Variants in SUZ12 observed in about 807,000 individuals in gnomAD.
SUZ12 encodes the protein polycomb protein SUZ12.
A neutral mutation model predicts 87.3 loss-of-function variants in SUZ12; 17 were observed. The observed-to-expected ratio is 0.19, with a 90% CI of 0.13 to 0.29. The LOEUF (loss-of-function observed/expected upper bound fraction) is 0.29, where lower values mean the gene tolerates loss of function less well. Ranked by LOEUF, SUZ12 falls within the 10% of genes least tolerant of loss-of-function variation. SUZ12 has a pLI of 1.00. For synonymous variants in SUZ12, 253 were observed against 312.4 expected (o/e 0.81, Z 2.01); for missense variants, 526 against 912.2 (o/e 0.58, Z 5.45).
intron 5 of SUZ12, among the ~76,000 whole-genome samples, chr17:31,970,198 A>G (rs1435967021): frequency 6.6e-6 from 1 of 152,216 alleles, no homozygotes; most frequent in Admixed American, 6.6e-5. Context: ...TTCGGCAAAT[A>G]TTTTTGTTAC....
rs1906009519 is a variant in SUZ12 at position 31,937,483 on chromosome 17, C to G, written c.237C>G (p.Val79=). ...LPVKKPKMEH[V]QADHELFLQA... is the part of the protein sequence containing the mutation. ...TGAAGAAGCCGAAAATGGAGCACGTCCAGGCTGACCACGAGCTTTTCCTCC... is the reference window on the plus strand; with the variant it reads ...TGAAGAAGCCGAAAATGGAGCACGTGCAGGCTGACCACGAGCTTTTCCTCC... Residue 79 remains valine, a synonymous_variant, in exon 1 of 16, where the codon GTC becomes GTG. Coordinates refer to ENST00000322652, the MANE Select transcript of SUZ12 (RefSeq NM_015355.4). 3 of 1,542,196 alleles carry G rather than the reference C, an allele frequency of 1.9e-6. No homozygotes were observed. The highest frequency in any genetic ancestry group is 2.6e-6 in the Non-Finnish European group (3 of 1,146,270).
At position 31,998,801 on chromosome 17, in the gene SUZ12, C is replaced by A; in HGVS notation, c.2018C>A (p.Ser673Ter). The A allele has an allele frequency of 6.2e-7, 1 of 1,613,206 alleles. No homozygotes were observed. Among genetic ancestry groups the A allele is most frequent in the South Asian group, 1.1e-5 (1 of 90,910 alleles). ...MHDFNLISIM[S>*]IDKAVTKLRE... ...GACTTTAATCTTATTAGCATAATGT[C>A]AATAGATAAAGCTGTTACCAAGCTC... is the stretch of plus-strand genomic sequence containing the variant. Residue 673 changes from serine (S) to a stop codon, truncating the protein, a stop_gained, in exon 16 of 16, where the codon TCA becomes TAA. Transcript: ENST00000322652. LOFTEE classifies it high-confidence loss of function.
At chr17:31,953,153 A>G (rs1429954987) in intron 4 of SUZ12, among the ~76,000 whole-genome samples, 1 of 152,016 alleles carries the variant, frequency 6.6e-6, no homozygotes, top group African/African-American at 2.4e-5. Context: ...TCACCCAGGC[A>G]GGAATATAGT....
At chr17:31,995,510 G>GCTAA in intron 13 of SUZ12, 54 bp from the exon 14 acceptor site, 1 of 1,444,264 alleles carries the variant, frequency 6.9e-7, no homozygotes, top group Non-Finnish European at 9.7e-7. Context: ...TAGTCGTGAG[G>GCTAA]TTAGATGGTA....
At position 31,937,409 on chromosome 17, in the gene SUZ12, T is replaced by G. The variant is rs972933094; in HGVS notation, c.163T>G (p.Ser55Ala). 23 of 1,501,568 alleles carry G rather than the reference T, an allele frequency of 1.5e-5. No homozygotes were observed. Among genetic ancestry groups the G allele is most frequent in the Admixed American group, 8.7e-5 (4 of 45,828 alleles). 93.0% of individuals were successfully genotyped at this position (1,501,568 alleles called of 1,614,324 possible). The change falls in exon 1 of 16, where the codon TCC becomes GCC. Residue 55 changes from serine (S) to alanine (A), a missense_variant. Transcript: ENST00000322652. The stretch of plus-strand genomic sequence containing the variant: ...TGGAGGGGGTGGCAGTTACTCGGCC[T>G]CCTCCTCCTCCTCCGCGGCGGCAGC... The part of the protein sequence containing the change: ...SCGGGGSYSA[S>A]SSSSAAAAAG...
intron 12 of SUZ12, 85 bp from the exon 13 acceptor site, chr17:31,994,479 A>T: frequency 7.7e-7 from 1 of 1,293,544 alleles, no homozygotes; most frequent in East Asian, 2.7e-5. Flanking sequence ...CTAAATATTA[A>T]GAGCCCACAA....
At chr17:31,970,876 A>G (rs1307143634) in intron 5 of SUZ12, among the ~76,000 whole-genome samples, 3 of 152,062 alleles carry the variant, frequency 2.0e-5, no homozygotes, top group African/African-American at 7.2e-5. Flanking sequence ...GTGTTCATGG[A>G]TTCATCTATT....
chr17:31,957,317 A>G (rs1266035753), intron 4 of SUZ12, among the ~76,000 whole-genome samples: 2 of 151,098 alleles, frequency 1.3e-5, no homozygotes, highest in African/African-American at 2.4e-5. Context: ...TCTGCTCACT[A>G]CAACCTCCAC....
intron 10 of SUZ12, among the ~76,000 whole-genome samples, chr17:31,989,812 T>C (rs2142207055): frequency 6.6e-6 from 1 of 150,872 alleles, no homozygotes; most frequent in East Asian, 1.9e-4. Context: ...GGTTTCACCT[T>C]GTTAGCCAGG....
chr17:31,966,488 C>T, intron 5 of SUZ12: 2 of 276,632 alleles, frequency 7.2e-6, no homozygotes, highest in South Asian at 9.1e-5. Context: ...GCTGGGATTA[C>T]AGGCACGTGC....
chr17:31,987,979 T>G (rs976005031), intron 9 of SUZ12, among the ~76,000 whole-genome samples: 4 of 151,956 alleles, frequency 2.6e-5, no homozygotes, highest in Non-Finnish European at 4.4e-5. Context: ...AGCAACAACC[T>G]AAATGGGAAA....
Position 31,940,463 on chromosome 17 carries a change from A to G in SUZ12, c.363A>G (p.Arg121=), listed in dbSNP as rs1339607293. The G allele has an allele frequency of 1.3e-6, 2 of 1,589,874 alleles. No homozygotes were observed. Among genetic ancestry groups the G allele is most frequent in the Non-Finnish European group, 1.7e-6 (2 of 1,167,518 alleles). The part of the protein sequence containing the change: ...LHRTLTYMSH[R]NSRTNIKRKT... Reference sequence around the variant, plus strand: ...GAACTCTTACTTACATGTCTCATCGAAACTCCAGAACAAACATCAAAAGGT... The same window carrying G: ...GAACTCTTACTTACATGTCTCATCGGAACTCCAGAACAAACATCAAAAGGT... Residue 121 remains arginine, a synonymous_variant, in exon 3 of 16, where the codon CGA becomes CGG. Transcript: ENST00000322652.
chr17:31,972,315 A>G (rs867620031), intron 5 of SUZ12, among the ~76,000 whole-genome samples: 27 of 151,184 alleles, frequency 1.8e-4, no homozygotes, highest in South Asian at 8.3e-4. Context: ...ATATATGTGT[A>G]TATATATGTA....
At chr17:31,956,165 G>T (rs1186553736) in intron 4 of SUZ12, among the ~76,000 whole-genome samples, 1 of 149,474 alleles carries the variant, frequency 6.7e-6, no homozygotes, top group Non-Finnish European at 1.5e-5. Flanking sequence ...TGTCCGCCTC[G>T]GCCTCCCAAA....
chr17:31,945,379 T>C (rs566728754), intron 3 of SUZ12, among the ~76,000 whole-genome samples: 2 of 152,334 alleles, frequency 1.3e-5, no homozygotes, highest in Admixed American at 1.3e-4. Flanking sequence ...GCTTGTGCTT[T>C]ACTCTTTCTA....
chr17:31,988,588 G>A, intron 10 of SUZ12, 91 bp downstream of exon 10: 1 of 1,269,282 alleles, frequency 7.9e-7, no homozygotes. Context: ...TTTGCTTTAT[G>A]TGATTCTTCT....
At chr17:31,983,707 G>A (rs1909251938) in intron 9 of SUZ12, among the ~76,000 whole-genome samples, 1 of 152,174 alleles carries the variant, frequency 6.6e-6, no homozygotes, top group Admixed American at 6.6e-5. Flanking sequence ...ACATAGAATT[G>A]ATGGATTAGA....
At chr17:31,959,675 A>G (rs1397093286) in intron 4 of SUZ12, among the ~76,000 whole-genome samples, 2 of 152,212 alleles carry the variant, frequency 1.3e-5, no homozygotes, top group Admixed American at 6.5e-5. Context: ...ATTCATGTAT[A>G]TAAATTAGAG....
At chr17:31,961,057 C>G (rs1454057272) in intron 4 of SUZ12, among the ~76,000 whole-genome samples, 5 of 151,574 alleles carry the variant, frequency 3.3e-5, no homozygotes, top group African/African-American at 4.8e-5. Context: ...CTAAAAAATA[C>G]AAAAAATAAA....
Sources: gnomAD v4.1 joint callset for allele counts (sites outside exome capture counted in the v4.1 genomes callset) on GRCh38, gnomAD v4.1.1 for gene constraint, MANE v1.5 for transcripts, NCBI Gene and HGNC (gene_info 2026-07-23, HGNC 2026-07-21) for gene names.